The following PITPNM3 variants were observed in gnomAD, a reference collection of about 807,000 sequenced individuals.
PITPNM3 encodes the protein PITPNM family member 3, also known as membrane-associated phosphatidylinositol transfer protein 3.
PITPNM3 carries 26 observed loss-of-function variants against 102.0 expected under a neutral mutation model. The ratio of observed to expected loss-of-function variants is 0.25; its 90% CI spans 0.19 to 0.35. The LOEUF is 0.35. Ranked by LOEUF, PITPNM3 falls within the 10% of genes least tolerant of loss-of-function variation. The pLI is 1.00. For missense variants in PITPNM3, 1,083 were observed against 1,346.1 expected, an observed-to-expected ratio of 0.80 and a Z score of 3.06; for synonymous variants, 578 against 558.6, an observed-to-expected ratio of 1.03 and a Z score of -0.49.
Position 6,537,851 on chromosome 17 carries a change from G to T in PITPNM3, c.118+136C>A. 1 of 781,190 alleles carries T rather than the reference G, an allele frequency of 1.3e-6. No individual in the cohort carries two copies. The highest frequency in any genetic ancestry group is 2.2e-6 in the Non-Finnish European group (1 of 446,022). 48.4% of individuals were successfully genotyped at this position (781,190 alleles called of 1,614,324 possible). On this transcript the variant is annotated intron_variant, in intron 2 of 19. Coordinates refer to ENST00000262483, the MANE Select transcript of PITPNM3 (RefSeq NM_031220.4). This position sits in a 1 kb window ranked among gnomAD's most constrained non-coding sequence, Gnocchi z 4.4. ...GCCCCTGCTCTTGGCACATCCACAG[G>T]ATGGGTAAGTATGGAGTGTGGAGCT...
At position 6,516,795 on chromosome 17, in the gene PITPNM3, C is replaced by T. The variant is rs567076518; in HGVS notation, c.226+8561G>A. On this transcript the variant is annotated intron_variant, in intron 3 of 19. Coordinates refer to ENST00000262483, the MANE Select transcript of PITPNM3 (RefSeq NM_031220.4). ...CTGTAATCCCAGCACTTTGGGAGGC[C>T]GAGGTGGGCTGATCACTTGAGGCCA... 1.1e-3 allele frequency among the ~76,000 whole-genome samples: 172 copies of T among 151,954 alleles called. 1 individual carries two copies. The highest frequency in any genetic ancestry group is 3.6e-3 in the African/African-American group (151 of 41,462).
intron 3 of PITPNM3, among the ~76,000 whole-genome samples, chr17:6,520,748 G>A (rs1908460040): frequency 6.6e-6 from 1 of 152,246 alleles, no homozygotes; most frequent in Admixed American, 6.5e-5. Context: ...TCCATCATCA[G>A]ATGAATGGAT....
In PITPNM3 at chr17:6,458,792, A is replaced by C. The variant is rs373339726; in HGVS notation, c.2491-1070T>G. On this transcript the variant is annotated intron_variant, in intron 18 of 19. Coordinates refer to ENST00000262483, the MANE Select transcript of PITPNM3 (RefSeq NM_031220.4). This position sits in a 1 kb window ranked among gnomAD's most constrained non-coding sequence, Gnocchi z 5.1. ...TCTCACCCCTTCATCCTCCTCCCACACCTGCCCGGCCAAATCTCAGCCCTG... is the reference window on the plus strand; with the variant it reads ...TCTCACCCCTTCATCCTCCTCCCACCCCTGCCCGGCCAAATCTCAGCCCTG... Among the ~76,000 whole-genome samples, 1 of 150,184 alleles carries C rather than the reference A, an allele frequency of 6.7e-6. No individual in the cohort carries two copies.
chr17:6,530,396 T>C (rs1340451584), intron 2 of PITPNM3, among the ~76,000 whole-genome samples: 2 of 152,174 alleles, frequency 1.3e-5, no homozygotes, highest in Non-Finnish European at 2.9e-5. Context: ...TCCCAATTGC[T>C]ATGGGAAACC....
At position 6,458,982 on chromosome 17, in the gene PITPNM3, G is replaced by A. The variant is rs1372061402; in HGVS notation, c.2491-1260C>T. Among the ~76,000 whole-genome samples the A allele has an allele frequency of 1.3e-5, 2 of 152,054 alleles. No homozygotes were observed. The highest frequency in any genetic ancestry group is 2.9e-5 in the Non-Finnish European group (2 of 68,024). ...CCTTCGATGCTGGACCAAGGAGAGG[G>A]CTTCCTCAGCCCACTGCCCCTCACC... On this transcript the variant is annotated intron_variant, in intron 18 of 19. Coordinates refer to ENST00000262483, the MANE Select transcript of PITPNM3 (RefSeq NM_031220.4). This position sits in a 1 kb window ranked among gnomAD's most constrained non-coding sequence, Gnocchi z 5.1.
intron 4 of PITPNM3, among the ~76,000 whole-genome samples, chr17:6,491,094 AGGGAGGGGAGGGGAGGGGAGGCGAG>A (rs1276096748): frequency 3.8e-4 from 8 of 21,006 alleles, no homozygotes; most frequent in African/African-American, 1.8e-3. Flanking sequence ...GGGGAAGGGA[AGGGAGGGGAGGGGAGGGGAGGCGAG>A]GGGAGGGGAG....
At chr17:6,503,391 G>T in intron 4 of PITPNM3, 136 bp downstream of exon 4, 3 of 1,011,998 alleles carry the variant, frequency 3.0e-6, no homozygotes, top group East Asian at 2.5e-5. Flanking sequence ...CAGGCCCTCC[G>T]GTACTGCCTG....
In PITPNM3 at chr17:6,471,273, C is replaced by T. The variant is rs200137929; in HGVS notation, c.1512G>A (p.Ser504=). Reference sequence around the variant, plus strand: ...GCTGGAACCTCGAGGCCTGAGGGGGCGAGGCAGGGGCATCCAGAAGTGGCG... The same window carrying T: ...GCTGGAACCTCGAGGCCTGAGGGGGTGAGGCAGGGGCATCCAGAAGTGGCG... The part of the protein sequence containing the change: ...DSPPLLDAPA[S]PPQASRFQRP... Residue 504 remains serine (S), a synonymous_variant, in exon 12 of 20, where the codon TCG becomes TCA. Coordinates refer to ENST00000262483, the MANE Select transcript of PITPNM3 (RefSeq NM_031220.4). 101 of 1,613,138 alleles carry T rather than the reference C, an allele frequency of 6.3e-5. No homozygotes were observed. The highest frequency in any genetic ancestry group is 1.8e-4 in the Admixed American group (11 of 59,970).
chr17:6,542,228 C>CA (rs1470047058), intron 1 of PITPNM3, among the ~76,000 whole-genome samples: 1 of 152,222 alleles, frequency 6.6e-6, no homozygotes, highest in Non-Finnish European at 1.5e-5. Context: ...GTCTACAAAT[C>CA]AGTGTCTGGG....
intron 1 of PITPNM3, among the ~76,000 whole-genome samples, chr17:6,554,548 C>T (rs1910502682): frequency 6.6e-6 from 1 of 152,142 alleles, no homozygotes; most frequent in Non-Finnish European, 1.5e-5. Flanking sequence ...TAGAACAGCA[C>T]AAGGCATTGA....
Position 6,453,250 on chromosome 17 carries a change from T to C in PITPNM3, c.*2088A>G, listed in dbSNP as rs4796329. 0.44 allele frequency: 66,383 copies of C among 151,934 alleles called. 15,820 individuals carry two copies. Among genetic ancestry groups the C allele is most frequent in the Middle Eastern group, 0.67 (196 of 294 alleles). 9.4% of individuals were successfully genotyped at this position (151,934 alleles called of 1,614,324 possible). ...GTACCCCATACTAATTATTTTATCA[T>C]TTTAGTGTAACCAGTGCCTTCTGCA... On this transcript the variant is annotated 3_prime_UTR_variant, in exon 20 of 20. Transcript: ENST00000262483.
intron 4 of PITPNM3, among the ~76,000 whole-genome samples, chr17:6,496,804 G>A (rs928248382): frequency 4.6e-5 from 7 of 152,082 alleles, no homozygotes; most frequent in African/African-American, 1.4e-4. Flanking sequence ...GAAGCTGCAC[G>A]TGCCCCAGCA....
chr17:6,523,760 G>A (rs1362970699), intron 3 of PITPNM3, among the ~76,000 whole-genome samples: 2 of 152,208 alleles, frequency 1.3e-5, no homozygotes, highest in African/African-American at 4.8e-5. Context: ...TGGCTATGAC[G>A]ACTGGTAAGT....
In PITPNM3 at chr17:6,455,398, C is replaced by T. The variant is rs773434377; in HGVS notation, c.2865G>A (p.Glu955=). The T allele has an allele frequency of 9.4e-6, 15 of 1,599,482 alleles. No individual in the cohort carries two copies. The highest frequency in any genetic ancestry group is 2.6e-6 in the Non-Finnish European group (3 of 1,175,434). The change falls in exon 20 of 20, where the codon GAG becomes GAA. Residue 955 remains glutamate, a synonymous_variant. Transcript: ENST00000262483. ...QSQPESDKDH[E]RPLPALSWAR... Reference sequence around the variant, plus strand: ...CCCAGCTGAGCGCCGGCAGCGGCCGCTCGTGGTCTTTGTCCGACTCGGGCT... The same window carrying T: ...CCCAGCTGAGCGCCGGCAGCGGCCGTTCGTGGTCTTTGTCCGACTCGGGCT...
intron 1 of PITPNM3, among the ~76,000 whole-genome samples, chr17:6,550,758 C>T (rs564791741): frequency 2.6e-4 from 40 of 152,316 alleles, no homozygotes; most frequent in Non-Finnish European, 3.5e-4. Flanking sequence ...GCCATGTCCT[C>T]GTATTCTGTG....
At chr17:6,497,354 GC>G (rs1385476307) in intron 4 of PITPNM3, among the ~76,000 whole-genome samples, 8 of 152,224 alleles carry the variant, frequency 5.3e-5, no homozygotes, top group Non-Finnish European at 1.0e-4. Flanking sequence ...CAAACCACAT[GC>G]CCACGATGGG....
At chr17:6,489,702 C>T (rs1906325829) in intron 4 of PITPNM3, among the ~76,000 whole-genome samples, 1 of 152,074 alleles carries the variant, frequency 6.6e-6, no homozygotes, top group South Asian at 2.1e-4. Context: ...CAAGCTCATT[C>T]CCCATTTAAA....
intron 1 of PITPNM3, among the ~76,000 whole-genome samples, chr17:6,552,045 T>C (rs972033763): frequency 2.1e-4 from 32 of 152,156 alleles, no homozygotes; most frequent in Admixed American, 1.8e-3. Context: ...GGAACATGAG[T>C]ATCGAAATGT....
chr17:6,459,851 C>T lies in PITPNM3; in HGVS notation c.2490+1522G>A, dbSNP rs891400606. On this transcript the variant is annotated intron_variant, in intron 18 of 19. Coordinates refer to ENST00000262483, the MANE Select transcript of PITPNM3 (RefSeq NM_031220.4). The surrounding 1 kb of genome is among the most constrained non-coding windows in gnomAD (Gnocchi z 5.0). ...AACCATCCCTGAGCCCCGACTATTCCACCTCCTAATCCTGTCCATGTTTTT... is the reference window on the plus strand; with the variant it reads ...AACCATCCCTGAGCCCCGACTATTCTACCTCCTAATCCTGTCCATGTTTTT... Among the ~76,000 whole-genome samples, 2 of 152,018 alleles carry T rather than the reference C, an allele frequency of 1.3e-5. No homozygotes were observed. Among genetic ancestry groups the T allele is most frequent in the Non-Finnish European group, 2.9e-5 (2 of 67,992 alleles).
Sources: allele counts gnomAD v4.1 joint callset (sites outside exome capture counted in the v4.1 genomes callset), GRCh38; gene constraint gnomAD v4.1.1; non-coding constraint Gnocchi (gnomAD v3.1); transcripts MANE v1.5; gene names NCBI Gene and HGNC (gene_info 2026-07-23, HGNC 2026-07-21).